The following MAGI1 variants were observed in gnomAD, a reference collection of about 807,000 sequenced individuals.
MAGI1 encodes the protein membrane associated guanylate kinase, WW and PDZ domain containing 1, also known as membrane-associated guanylate kinase, WW and PDZ domain-containing protein 1.
In MAGI1, 58 loss-of-function variants were observed where a neutral mutation model predicts 139.9. The ratio of observed to expected loss-of-function variants is 0.41; its 90% CI spans 0.34 to 0.52. MAGI1 has a LOEUF of 0.52. Among genes scored for constraint, MAGI1 ranks in the 20% least tolerant of loss-of-function variants. The pLI, the probability that MAGI1 is intolerant of heterozygous loss-of-function variation, is 0.12. For synonymous variants in MAGI1, 812 were observed against 737.9 expected (o/e 1.10, Z -1.63); for missense variants, 1,874 against 1,901.6 (o/e 0.99, Z 0.27).
intron 2 of MAGI1, among the ~76,000 whole-genome samples, chr3:65,530,818 TACACGTATATATATATATATACACACAC>T (rs2078669065): frequency 3.4e-5 from 2 of 59,620 alleles, no homozygotes; most frequent in African/African-American, 1.6e-4. Context: ...CACATATATA[TACACGTATATATATATATATACACACAC>T]ACACACACAT....
chr3:65,677,928 C>T (rs2087303327), intron 1 of MAGI1, among the ~76,000 whole-genome samples: 1 of 152,162 alleles, frequency 6.6e-6, no homozygotes, highest in South Asian at 2.1e-4. Context: ...AACCCAAATG[C>T]CCATCAGTGA....
At chr3:65,430,164 G>A (rs1255379320) in intron 11 of MAGI1, 24 bp from the exon 12 acceptor site, 1 of 1,604,542 alleles carries the variant, frequency 6.2e-7, no homozygotes, top group Non-Finnish European at 8.5e-7. Context: ...GAGTGTGGGG[G>A]TTAAGAAAAC....
At chr3:65,849,040 T>TTTTG (rs2059111256) in intron 1 of MAGI1, among the ~76,000 whole-genome samples, 1 of 109,356 alleles carries the variant, frequency 9.1e-6, no homozygotes. Flanking sequence ...TTTTTTTTTT[T>TTTTG]GAGATGGAGT....
intron 22 of MAGI1, among the ~76,000 whole-genome samples, chr3:65,357,552 GCTTTA>G (rs765954913): frequency 9.5e-6 from 1 of 105,286 alleles, no homozygotes; most frequent in African/African-American, 3.7e-5. Flanking sequence ...AATATTCTTT[GCTTTA>G]AAGAATACTT....
At chr3:65,454,980 T>C (rs1346915109) in intron 5 of MAGI1, among the ~76,000 whole-genome samples, 1 of 152,196 alleles carries the variant, frequency 6.6e-6, no homozygotes. Flanking sequence ...GACACCCTGC[T>C]GAGACATCAC....
At chr3:65,492,983 C>T (rs1336756886) in intron 3 of MAGI1, among the ~76,000 whole-genome samples, 4 of 149,256 alleles carry the variant, frequency 2.7e-5, no homozygotes, top group Non-Finnish European at 5.9e-5. Context: ...GAGGCTGACG[C>T]AGGAGAATGG....
intron 1 of MAGI1, among the ~76,000 whole-genome samples, chr3:66,000,447 G>A (rs959167321): frequency 6.6e-6 from 1 of 151,340 alleles, no homozygotes; most frequent in East Asian, 1.9e-4. Flanking sequence ...TAAACGCAGG[G>A]TTTAAAAAAA....
Position 65,695,701 on chromosome 3 carries a change from T to C in MAGI1, c.314-73613A>G, listed in dbSNP as rs1016903776. Among the ~76,000 whole-genome samples the C allele has an allele frequency of 4.6e-5, 7 of 152,288 alleles. No homozygotes were observed. In the South Asian group the frequency reaches 1.5e-3, roughly 32 times the overall value. ...GAGAGATAAGGCACTGGAAAGCCAT[T>C]TGATATTTGAATTGTTGGAAAAGAA... On this transcript the variant is annotated intron_variant, in intron 1 of 22. Transcript: ENST00000402939.
At chr3:65,871,045 C>T (rs2059921649) in intron 1 of MAGI1, among the ~76,000 whole-genome samples, 1 of 152,016 alleles carries the variant, frequency 6.6e-6, no homozygotes, top group South Asian at 2.1e-4. Flanking sequence ...TTCAATTGAT[C>T]CTTCCACCTC....
At chr3:65,716,270 T>C (rs1329295414) in intron 1 of MAGI1, among the ~76,000 whole-genome samples, 2 of 152,198 alleles carry the variant, frequency 1.3e-5, no homozygotes, top group East Asian at 1.9e-4. Context: ...GGCCAGCTGA[T>C]TGTAATCCCA....
At chr3:65,691,886 C>G (rs1300028272) in intron 1 of MAGI1, among the ~76,000 whole-genome samples, 2 of 152,158 alleles carry the variant, frequency 1.3e-5, no homozygotes, top group African/African-American at 4.8e-5. Flanking sequence ...CAGTTCCAAC[C>G]TAATTAGCTT....
intron 2 of MAGI1, among the ~76,000 whole-genome samples, chr3:65,540,058 G>A (rs1213990930): frequency 6.6e-6 from 1 of 152,158 alleles, no homozygotes; most frequent in Admixed American, 6.5e-5. Flanking sequence ...AGATCAATGG[G>A]AATATTAAAC....
chr3:65,739,796 T>C (rs1173417306), intron 1 of MAGI1, among the ~76,000 whole-genome samples: 2 of 152,190 alleles, frequency 1.3e-5, no homozygotes, highest in African/African-American at 4.8e-5. Flanking sequence ...TATATGGGTA[T>C]AGTTTGTGGC....
intron 2 of MAGI1, among the ~76,000 whole-genome samples, chr3:65,514,268 A>G (rs1396956355): frequency 5.5e-5 from 8 of 145,576 alleles, no homozygotes; most frequent in Non-Finnish European, 7.5e-5. Flanking sequence ...CATGTCCAAA[A>G]CACCAAAAGC....
At chr3:65,395,724 C>A (rs1389154471) in intron 13 of MAGI1, among the ~76,000 whole-genome samples, 1 of 150,158 alleles carries the variant, frequency 6.7e-6, no homozygotes, top group African/African-American at 2.4e-5. Flanking sequence ...GGAGGGTGGC[C>A]TGAGAGGAAC....
At chr3:65,794,666 C>A (rs2040004595) in intron 1 of MAGI1, among the ~76,000 whole-genome samples, 1 of 152,048 alleles carries the variant, frequency 6.6e-6, no homozygotes, top group Non-Finnish European at 1.5e-5. Flanking sequence ...AGCGATGCCC[C>A]AGCAGGAGAC....
intron 1 of MAGI1, among the ~76,000 whole-genome samples, chr3:65,775,030 C>T (rs1183716845): frequency 6.6e-6 from 1 of 152,132 alleles, no homozygotes; most frequent in Non-Finnish European, 1.5e-5. Flanking sequence ...TAAATATTGG[C>T]TATTTTTATT....
intron 2 of MAGI1, among the ~76,000 whole-genome samples, chr3:65,549,171 G>A (rs1010790920): frequency 6.6e-6 from 1 of 152,086 alleles, no homozygotes; most frequent in South Asian, 2.1e-4. Context: ...GGAGGGACGC[G>A]ACCGCCAGCC....
chr3:65,474,001 T>G (rs1035867670), intron 4 of MAGI1, among the ~76,000 whole-genome samples: 7 of 152,152 alleles, frequency 4.6e-5, no homozygotes, highest in African/African-American at 1.7e-4. Flanking sequence ...CATGGTGGCA[T>G]GTGCCTGTAA....
Sources: allele counts gnomAD v4.1 joint callset (sites outside exome capture counted in the v4.1 genomes callset), GRCh38; gene constraint gnomAD v4.1.1; transcripts MANE v1.5; gene names NCBI Gene and HGNC (gene_info 2026-07-23, HGNC 2026-07-21).